Variants in NUP160 observed in about 807,000 individuals in gnomAD.
NUP160 encodes nucleoporin 160.
In NUP160, 94 loss-of-function variants were observed where a neutral mutation model predicts 196.9. The observed-to-expected ratio is 0.48, with a 90% CI of 0.40 to 0.57. NUP160 has a LOEUF of 0.57. Among genes scored for constraint, NUP160 ranks in the 20% least tolerant of loss-of-function variants. The pLI is 0.00. For synonymous variants in NUP160, 605 were observed against 619.7 expected, an observed-to-expected ratio of 0.98 and a Z score of 0.35; for missense variants, 1,638 against 1,748.3, an observed-to-expected ratio of 0.94 and a Z score of 1.13.
At chr11:47,833,402 T>C (rs1461412059) in intron 7 of NUP160, among the ~76,000 whole-genome samples, 2 of 151,780 alleles carry the variant, frequency 1.3e-5, no homozygotes, top group Non-Finnish European at 2.9e-5. Context: ...TTGCAGTCAG[T>C]TGAGGTCACG....
intron 32 of NUP160, among the ~76,000 whole-genome samples, chr11:47,785,456 C>A (rs755885253): frequency 6.6e-6 from 1 of 152,120 alleles, no homozygotes; most frequent in Non-Finnish European, 1.5e-5. Context: ...TAGAAATTAA[C>A]AACTGAATCA....
intron 2 of NUP160, among the ~76,000 whole-genome samples, chr11:47,844,340 C>T (rs1280462423): frequency 6.6e-6 from 1 of 152,186 alleles, no homozygotes; most frequent in African/African-American, 2.4e-5. Context: ...CCACTTTAAC[C>T]TTCCACAGCT....
chr11:47,821,602 T>C (rs1851858743), intron 9 of NUP160, 122 bp downstream of exon 9: 9 of 690,500 alleles, frequency 1.3e-5, no homozygotes, highest in Non-Finnish European at 2.0e-5. Context: ...TTAAGTGATT[T>C]GCCTGCCTCG....
intron 2 of NUP160, among the ~76,000 whole-genome samples, chr11:47,845,064 TATC>T (rs1852373363): frequency 6.6e-6 from 1 of 152,332 alleles, no homozygotes; most frequent in South Asian, 2.1e-4. Context: ...CTGTTTAGCA[TATC>T]ATCAAGAAAT....
chr11:47,847,633 ATG>A, intron 2 of NUP160, among the ~76,000 whole-genome samples: 1 of 59,542 alleles, frequency 1.7e-5, no homozygotes, highest in Non-Finnish European at 3.1e-5. Context: ...TGCTTGGTGT[ATG>A]TGTGTGTGGG....
At chr11:47,788,050 G>A in intron 31 of NUP160, 132 bp downstream of exon 31, 1 of 814,654 alleles carries the variant, frequency 1.2e-6, no homozygotes, top group South Asian at 1.9e-5. Flanking sequence ...TGCTTGGATG[G>A]ATTAAACAAA....
chr11:47,831,894 C>CTTTTTTTTTTTT (rs554204043), intron 7 of NUP160, among the ~76,000 whole-genome samples: 2 of 69,982 alleles, frequency 2.9e-5, no homozygotes, highest in African/African-American at 1.2e-4. Flanking sequence ...TAATAAATTC[C>CTTTTTTTTTTTT]TTTTTTTTTT....
rs138207407 is a variant in NUP160, at chr11:47,788,241, T to C, written c.3687A>G (p.Ile1229Met). 6.2e-6 allele frequency: 10 copies of C among 1,613,820 alleles called. No homozygotes were observed. Among genetic ancestry groups the C allele is most frequent in the Non-Finnish European group, 8.5e-6 (10 of 1,179,834 alleles). The change falls in exon 31 of 36, where the codon ATA (isoleucine) becomes ATG (methionine). Residue 1229 changes from isoleucine to methionine, a missense_variant. Ile to Met is a conservative substitution (Grantham distance 10). This residue lies in a region of NUP160 where 1,345 missense variants were observed against 1,470.2 expected (regional missense o/e 0.91). Transcript: ENST00000378460. ...GAAGCTTAAAAGTCTGACAGAGTGA[T>C]ATGGCAGTGTCAAAGAGGCCCGCCT...
intron 23 of NUP160, among the ~76,000 whole-genome samples, chr11:47,800,830 C>G (rs2097673801): frequency 6.6e-6 from 1 of 152,064 alleles, no homozygotes; most frequent in Non-Finnish European, 1.5e-5. Context: ...AATATAAAAT[C>G]AAGTATGGTG....
At position 47,810,054 on chromosome 11, in the gene NUP160, A is replaced by G. The variant is rs188070473; in HGVS notation, c.2242-1525T>C. 4.0e-3 allele frequency among the ~76,000 whole-genome samples: 605 copies of G among 152,244 alleles called. 1 individual carries two copies. The highest frequency in any genetic ancestry group is 5.9e-3 in the Admixed American group (90 of 15,280). On this transcript the variant is annotated intron_variant, in intron 17 of 35. Coordinates refer to ENST00000378460, the Ensembl canonical transcript of NUP160. ...GTGTTCAGAAAAATTGACAAAAGTT[A>G]TAATTTAAAAAACAAAAAACCTGAA...
chr11:47,787,924 T>G (rs565778097), intron 31 of NUP160, among the ~76,000 whole-genome samples: 370 of 151,988 alleles, frequency 2.4e-3, no homozygotes, highest in Middle Eastern at 0.014. Context: ...GGGTTTCACC[T>G]TGTTAGCCAG....
chr11:47,788,929 T>C (rs1599306751), intron 29 of NUP160, among the ~76,000 whole-genome samples: 1 of 151,570 alleles, frequency 6.6e-6, no homozygotes, highest in Non-Finnish European at 1.5e-5. Context: ...CAGGCTGGAG[T>C]GCAGTGGCAT....
chr11:47,806,992 G>C, intron 19 of NUP160, 78 bp downstream of exon 19: 2 of 1,027,736 alleles, frequency 1.9e-6, no homozygotes, highest in Non-Finnish European at 3.0e-6. Context: ...CTATGGCAAA[G>C]GTGGCAAAAG....
intron 2 of NUP160, among the ~76,000 whole-genome samples, chr11:47,842,096 C>T (rs956259934): frequency 7.2e-5 from 11 of 152,002 alleles, no homozygotes; most frequent in Non-Finnish European, 1.0e-4. Context: ...ACATATGTGA[C>T]CTTGCCTTCC....
intron 17 of NUP160, among the ~76,000 whole-genome samples, chr11:47,811,465 C>G (rs1288712856): frequency 7.3e-6 from 1 of 137,374 alleles, no homozygotes; most frequent in Non-Finnish European, 1.6e-5. Context: ...GCCTGGGCAA[C>G]AGAGCAAGAT....
intron 24 of NUP160, 21 bp downstream of exon 24, chr11:47,798,347 C>A (rs2097672081): frequency 1.9e-6 from 3 of 1,578,088 alleles, no homozygotes; most frequent in Admixed American, 1.7e-5. Context: ...AGAAAACAAC[C>A]AAATTGCAGC....
intron 27 of NUP160, among the ~76,000 whole-genome samples, chr11:47,796,571 T>C (rs570694978): frequency 6.6e-6 from 1 of 152,216 alleles, no homozygotes; most frequent in Non-Finnish European, 1.5e-5. Context: ...TGATGTAAAA[T>C]ATTAACAGTT....
At chr11:47,823,275 T>G (rs1277756599) in intron 7 of NUP160, among the ~76,000 whole-genome samples, 1 of 152,210 alleles carries the variant, frequency 6.6e-6, no homozygotes, top group African/African-American at 2.4e-5. Context: ...TTCACACTGT[T>G]GTACAACCAA....
At chr11:47,836,526 T>C (rs1021750945) in intron 6 of NUP160, among the ~76,000 whole-genome samples, 7 of 152,024 alleles carry the variant, frequency 4.6e-5, no homozygotes, top group South Asian at 2.1e-4. Flanking sequence ...AGGTGGGGAA[T>C]TGCTTGAGCC....
Sources: gnomAD v4.1 joint callset for allele counts (sites outside exome capture counted in the v4.1 genomes callset) on GRCh38, gnomAD v4.1.1 for gene constraint, gnomAD v4.1.1 regional missense constraint, MANE v1.5 for transcripts, NCBI Gene and HGNC (gene_info 2026-07-23, HGNC 2026-07-21) for gene names.